SNED1: variants seen among roughly 807,000 people sequenced by gnomAD.
The protein encoded by SNED1 is sushi, nidogen and EGF like domains 1, also known as sushi, nidogen and EGF-like domain-containing protein 1.
Under a neutral mutation model 166.7 loss-of-function variants are expected in SNED1, and 81 were observed. That is an observed-to-expected ratio of 0.49 (90% confidence interval 0.41 to 0.58). The LOEUF (loss-of-function observed/expected upper bound fraction) is 0.58, where lower values mean the gene tolerates loss of function less well. SNED1 is among the 20% of genes least tolerant of loss of function. SNED1 has a pLI of 0.00. For synonymous variants in SNED1, 762 were observed against 822.0 expected, an observed-to-expected ratio of 0.93 and a Z score of 1.25; for missense variants, 1,604 against 2,000.2, an observed-to-expected ratio of 0.80 and a Z score of 3.78.
intron 29 of SNED1, among the ~76,000 whole-genome samples, chr2:241,083,407 A>G (rs544176844): frequency 1.3e-5 from 2 of 152,110 alleles, no homozygotes; most frequent in South Asian, 4.1e-4. Flanking sequence ...GGAGCTACTG[A>G]AGGGTTCTGA....
intron 15 of SNED1, 57 bp downstream of exon 15, chr2:241,052,525 A>T (rs1295634350): frequency 7.5e-7 from 1 of 1,339,834 alleles, no homozygotes; most frequent in Non-Finnish European, 1.0e-6. Flanking sequence ...CAGGCAGGTG[A>T]GATGGCCAGG....
chr2:241,053,252 A>G lies in SNED1; in HGVS notation c.2183A>G (p.Tyr728Cys). ...GCCCTGTATGCATGTGACCGTGGCTACAGCCTGAGCGCCCCCAGCCGCATC... is the reference window on the plus strand; with the variant it reads ...GCCCTGTATGCATGTGACCGTGGCTGCAGCCTGAGCGCCCCCAGCCGCATC... ...AVALYACDRG[Y>C]SLSAPSRIRV... The change falls in exon 16 of 32, where the codon TAC becomes TGC. Residue 728 changes from tyrosine (Y) to cysteine (C), a missense_variant. Physicochemically the swap from Tyr to Cys is radical, Grantham distance 194. Around this residue, in one of 2 missense-constraint regions of SNED1, gnomAD observed 1,237 missense variants for 1,620.8 expected, o/e 0.76. Coordinates refer to ENST00000310397, the MANE Select transcript of SNED1 (RefSeq NM_001080437.3). 6.2e-7 allele frequency: 1 copy of G among 1,606,902 alleles called. No homozygotes were observed. The highest frequency in any genetic ancestry group is 8.5e-7 in the Non-Finnish European group (1 of 1,177,602).
intron 27 of SNED1, 126 bp from the exon 28 acceptor site, chr2:241,081,551 C>A: frequency 1.4e-6 from 1 of 703,626 alleles, no homozygotes. Context: ...GAGGCCACCG[C>A]AGCACACCAC....
intron 29 of SNED1, among the ~76,000 whole-genome samples, chr2:241,086,174 G>A (rs1252465490): frequency 6.6e-6 from 1 of 152,040 alleles, no homozygotes; most frequent in Non-Finnish European, 1.5e-5. Flanking sequence ...GCCCTGTCTG[G>A]GGTTTCTATG....
intron 10 of SNED1, 29 bp from the exon 11 acceptor site, chr2:241,048,993 T>C: frequency 6.4e-7 from 1 of 1,567,802 alleles, no homozygotes; most frequent in South Asian, 1.1e-5. Context: ...ATGTGGAATA[T>C]GGGATGGGGC....
chr2:241,017,589 C>G (rs1428282556), intron 1 of SNED1, among the ~76,000 whole-genome samples: 1 of 152,232 alleles, frequency 6.6e-6, no homozygotes, highest in East Asian at 1.9e-4. Flanking sequence ...CAGCAGAGTG[C>G]CTCTCTTACC....
intron 4 of SNED1, among the ~76,000 whole-genome samples, 191 bp downstream of exon 4, chr2:241,034,921 A>G (rs992616247): frequency 1.3e-5 from 2 of 152,190 alleles, no homozygotes; most frequent in Non-Finnish European, 2.9e-5. Flanking sequence ...AGCTTCCCCT[A>G]GAGAAGACCC....
At position 241,069,690 on chromosome 2, in the gene SNED1, G is replaced by A. The variant is rs555002207; in HGVS notation, c.3308-230G>A. 3.9e-5 allele frequency among the ~76,000 whole-genome samples: 6 copies of A among 152,228 alleles called. No individual in the cohort carries two copies. The highest frequency in any genetic ancestry group is 9.6e-5 in the African/African-American group (4 of 41,562). Reference sequence around the variant, plus strand: ...CCAGGGCCTGGGGGCTTCACAGGGTGGATCCTAACCCGAGGGGAGGGTGGC... The same window carrying A: ...CCAGGGCCTGGGGGCTTCACAGGGTAGATCCTAACCCGAGGGGAGGGTGGC... On this transcript the variant is annotated intron_variant, in intron 23 of 31. Transcript: ENST00000310397. This position sits in a 1 kb window ranked among gnomAD's most constrained non-coding sequence, Gnocchi z 4.9.
Position 241,034,674 on chromosome 2 carries a change from G to A in SNED1, c.749G>A (p.Arg250His), listed in dbSNP as rs370544833. The A allele has an allele frequency of 4.4e-6, 7 of 1,606,552 alleles. No homozygotes were observed. In the South Asian group the frequency reaches 4.4e-5, roughly 10 times the overall value. ...ACCACCAACGTGGGTGTGCCCGGGCGCTGGGCGTTCAGAATCGATGATGCC... is the reference window on the plus strand; with the variant it reads ...ACCACCAACGTGGGTGTGCCCGGGCACTGGGCGTTCAGAATCGATGATGCC... ...ETTTNVGVPG[R>H]WAFRIDDAQV... Residue 250 changes from arginine (R) to histidine (H), a missense_variant, in exon 4 of 32, where the codon CGC becomes CAC. Transcript: ENST00000310397.
At chr2:241,033,378 C>T (rs972765027) in intron 2 of SNED1, 1 of 200,318 alleles carries the variant, frequency 5.0e-6, no homozygotes. Flanking sequence ...TTTTACCTTT[C>T]CTCTTTTCCT....
rs758211871 is a variant in SNED1, at chr2:241,094,745, T to C, written c.*3109T>C. On this transcript the variant is annotated 3_prime_UTR_variant, in exon 32 of 32. Coordinates refer to ENST00000310397, the MANE Select transcript of SNED1 (RefSeq NM_001080437.3). This position sits in a 1 kb window ranked among gnomAD's most constrained non-coding sequence, Gnocchi z 4.3. ...ACTGCAGGATGTTTCACAGCACCCC[T>C]GGCCTCTACCCACTAGAATCCTACA... 1 of 187,196 alleles carries C rather than the reference T, an allele frequency of 5.3e-6. No homozygotes were observed. The highest frequency in any genetic ancestry group is 1.1e-5 in the Non-Finnish European group (1 of 88,658). 11.6% of individuals were successfully genotyped at this position (187,196 alleles called of 1,614,324 possible). A position where few individuals can be genotyped will look rare whatever the true frequency, so the allele number is the denominator to read the frequency against.
At chr2:241,032,621 A>G (rs1012804150) in intron 2 of SNED1, among the ~76,000 whole-genome samples, 1 of 152,196 alleles carries the variant, frequency 6.6e-6, no homozygotes, top group Non-Finnish European at 1.5e-5. Flanking sequence ...GTACCCTAGA[A>G]CTTAAAGTAT....
intron 1 of SNED1, among the ~76,000 whole-genome samples, chr2:241,016,416 G>T (rs1314591665): frequency 6.6e-6 from 1 of 152,024 alleles, no homozygotes; most frequent in Non-Finnish European, 1.5e-5. Flanking sequence ...AGCCAGGATG[G>T]TCTCGATCTG....
chr2:241,027,143 T>G (rs576659955), intron 1 of SNED1, among the ~76,000 whole-genome samples: 5 of 152,000 alleles, frequency 3.3e-5, no homozygotes, highest in African/African-American at 1.2e-4. Flanking sequence ...TGCAGTGGCA[T>G]GATCTTGGCT....
In SNED1 at chr2:241,062,861, G is replaced by A; in HGVS notation, c.2328G>A (p.Leu776=). 1 of 1,610,896 alleles carries A rather than the reference G, an allele frequency of 6.2e-7. No individual in the cohort carries two copies. The change falls in exon 17 of 32, where the codon CTG becomes CTA. Residue 776 remains leucine, a synonymous_variant. Coordinates refer to ENST00000310397, the MANE Select transcript of SNED1 (RefSeq NM_001080437.3). ...GTCAGGACCGCGTTGCTGGGTACCT[G>A]TGCCTCTGCAGCACAGGCTATGAGG... is the stretch of plus-strand genomic sequence containing the variant. ...GSCQDRVAGY[L]CLCSTGYEGA...
At chr2:241,035,930 GT>G (rs1355742210) in intron 4 of SNED1, among the ~76,000 whole-genome samples, 1 of 80,792 alleles carries the variant, frequency 1.2e-5, no homozygotes, top group African/African-American at 5.6e-5. Context: ...GGGTGGAGGG[GT>G]GGGGGGTGCA....
At chr2:241,002,440 G>C (rs370960759) in intron 1 of SNED1, among the ~76,000 whole-genome samples, 1 of 152,182 alleles carries the variant, frequency 6.6e-6, no homozygotes, top group Non-Finnish European at 1.5e-5. Context: ...TGAGGTTCCC[G>C]GGCTGGCCCA....
At chr2:241,010,618 T>C (rs1366328812) in intron 1 of SNED1, 1 of 152,334 alleles carries the variant, frequency 6.6e-6, no homozygotes, top group Admixed American at 6.5e-5. Flanking sequence ...ATCCCCTCCA[T>C]GGCAAGGCCA....
At chr2:241,020,732 T>C (rs1176360220) in intron 1 of SNED1, among the ~76,000 whole-genome samples, 1 of 152,034 alleles carries the variant, frequency 6.6e-6, no homozygotes, top group African/African-American at 2.4e-5. Flanking sequence ...TTAAAGGGGG[T>C]GCAGTGGAGT....
Sources: allele counts gnomAD v4.1 joint callset (sites outside exome capture counted in the v4.1 genomes callset), GRCh38; gene constraint gnomAD v4.1.1; regional missense constraint gnomAD v4.1.1; non-coding constraint Gnocchi (gnomAD v3.1); transcripts MANE v1.5; gene names NCBI Gene and HGNC (gene_info 2026-07-23, HGNC 2026-07-21).